The following CNN1 variants were observed in gnomAD, a reference collection of about 807,000 sequenced individuals.
CNN1 encodes the protein calponin-1.
In CNN1, 21 loss-of-function variants were observed where a neutral mutation model predicts 35.3. The observed-to-expected ratio is 0.60, with a 90% CI of 0.42 to 0.86. CNN1 has a LOEUF of 0.86. Ranked by LOEUF, CNN1 falls within the 40% of genes least tolerant of loss-of-function variation. CNN1 has a pLI of 0.00. For synonymous variants in CNN1, 164 were observed against 161.8 expected (o/e 1.01, Z -0.10); for missense variants, 314 against 400.8 (o/e 0.78, Z 1.85).
rs779660802 is a variant in CNN1 at position 11,546,870 on chromosome 19, G to A, written c.291G>A (p.Lys97=). The A allele has an allele frequency of 1.9e-6, 3 of 1,614,234 alleles. No homozygotes were observed. The highest frequency in any genetic ancestry group is 2.2e-5 in the East Asian group (1 of 44,890). Residue 97 remains lysine, a synonymous_variant, in exon 4 of 7, where the codon AAG becomes AAA. Transcript: ENST00000252456. The stretch of plus-strand genomic sequence containing the variant: ...GCAACTTCATCAAGGCCATCACCAA[G>A]TATGGGGTGAAGCCCCACGACATTT... ...NIGNFIKAIT[K]YGVKPHDIFE... is the part of the protein sequence containing the mutation.
At chr19:11,547,001 G>A in intron 4 of CNN1, 32 bp downstream of exon 4, 2 of 1,610,586 alleles carry the variant, frequency 1.2e-6, no homozygotes, top group Non-Finnish European at 1.7e-6. Context: ...GCAGGGGGTG[G>A]TGGGCAGCCT....
At chr19:11,539,945 C>T (rs1013938878) in intron 1 of CNN1, 86 of 1,109,660 alleles carry the variant, frequency 7.8e-5, no homozygotes, top group Non-Finnish European at 9.2e-5. Context: ...TCGGGGAGCC[C>T]GGGCCACGCT....
At chr19:11,546,302 T>C (rs1326777221) in intron 2 of CNN1, among the ~76,000 whole-genome samples, 1 of 150,326 alleles carries the variant, frequency 6.7e-6, no homozygotes, top group Non-Finnish European at 1.5e-5. Context: ...CTCCTCCTGC[T>C]GGGCTGGGCT....
intron 3 of CNN1, 37 bp from the exon 4 acceptor site, chr19:11,546,795 C>T (rs1384220127): frequency 7.4e-6 from 12 of 1,613,982 alleles, no homozygotes; most frequent in South Asian, 1.1e-5. Flanking sequence ...TCAGACCTCC[C>T]CTCCCCACCC....
At chr19:11,539,958 A>G (rs1972422615) in intron 1 of CNN1, 10 of 1,093,934 alleles carry the variant, frequency 9.1e-6, no homozygotes, top group Non-Finnish European at 1.1e-5. Context: ...GCCACGCTAT[A>G]TAAGGGCCGG....
Position 11,549,913 on chromosome 19 carries a change from TCAACC to T in CNN1, c.*119_*123del. 1 of 1,422,620 alleles carries T rather than the reference TCAACC, an allele frequency of 7.0e-7. No homozygotes were observed. Among genetic ancestry groups the T allele is most frequent in the Non-Finnish European group, 9.5e-7 (1 of 1,049,724 alleles). The allele number at this position is 1,422,620 out of a possible 1,614,324, so 88.1% of individuals were successfully genotyped here. A position where few individuals can be genotyped will look rare whatever the true frequency, so the allele number is the denominator to read the frequency against. ...TGGCATCCTCCAGCCCCTGTAGAAC[TCAACC>T]TCTACAGGGTTAGAGTTTGGAGAGA... On this transcript the variant is annotated 3_prime_UTR_variant, in exon 7 of 7. Transcript: ENST00000252456. The surrounding 1 kb of genome is among the most constrained non-coding windows in gnomAD (Gnocchi z 5.2).
At chr19:11,541,339 CCA>C in intron 2 of CNN1, 142 bp downstream of exon 2, 2 of 1,106,970 alleles carry the variant, frequency 1.8e-6, no homozygotes, top group Non-Finnish European at 2.5e-6. Context: ...ATCATTGTGC[CCA>C]TTTAACAGGC....
At chr19:11,544,392 G>A (rs1411664980) in intron 2 of CNN1, among the ~76,000 whole-genome samples, 7 of 152,266 alleles carry the variant, frequency 4.6e-5, no homozygotes, top group South Asian at 2.1e-4. Flanking sequence ...GGAGGCTGGC[G>A]TGACGAGCAC....
Position 11,549,708 on chromosome 19 carries a change from C to A in CNN1, c.807C>A (p.Asp269Glu). Residue 269 changes from aspartate to glutamate, a missense_variant, in exon 7 of 7, where the codon GAC becomes GAA. Physicochemically the swap from Asp to Glu is conservative, Grantham distance 45 (BLOSUM62 2). Coordinates refer to ENST00000252456, the MANE Select transcript of CNN1 (RefSeq NM_001299.6). The surrounding 1 kb of genome is among the most constrained non-coding windows in gnomAD (Gnocchi z 5.2). ...ATGGGCTGCCACGCCAGGTCTACGA[C>A]CCCAAGTACTGTCTGACTCCCGAGT... ...TVYGLPRQVY[D>E]PKYCLTPEYP... The A allele has an allele frequency of 6.2e-7, 1 of 1,614,226 alleles. No homozygotes were observed. Among genetic ancestry groups the A allele is most frequent in the South Asian group, 1.1e-5 (1 of 91,084 alleles).
In CNN1 at chr19:11,546,708, G is replaced by T. The variant is rs1407111196; in HGVS notation, c.219G>T (p.Lys73Asn). The T allele has an allele frequency of 6.2e-7, 1 of 1,614,072 alleles. No individual in the cohort carries two copies. Among genetic ancestry groups the T allele is most frequent in the Non-Finnish European group, 8.5e-7 (1 of 1,180,054 alleles). ...FINKLQPGSV[K>N]KINESTQNWH... ...ATAAGCTGCAGCCAGGCTCCGTGAA[G>T]AAGATCAATGAGTCAACCCAAAATT... The change falls in exon 3 of 7, where the codon AAG becomes AAT. Residue 73 changes from lysine to asparagine, a missense_variant. Physicochemically the swap from Lys to Asn is moderately conservative, Grantham distance 94. Transcript: ENST00000252456.
chr19:11,546,583 C>T (rs1972589419), intron 2 of CNN1, 92 bp from the exon 3 acceptor site: 1 of 1,349,894 alleles, frequency 7.4e-7, no homozygotes, highest in East Asian at 2.3e-5. Flanking sequence ...ATCCACCCGC[C>T]TTGGCCTCCC....
At chr19:11,545,800 A>G (rs892251916) in intron 2 of CNN1, among the ~76,000 whole-genome samples, 9 of 112,248 alleles carry the variant, frequency 8.0e-5, no homozygotes, top group African/African-American at 4.8e-4. Context: ...CTCTCTACCA[A>G]AAAAAAAAAA....
intron 5 of CNN1, among the ~76,000 whole-genome samples, 167 bp downstream of exon 5, chr19:11,548,074 C>G (rs1325615755): frequency 1.3e-5 from 2 of 152,216 alleles, no homozygotes; most frequent in African/African-American, 2.4e-5. Context: ...AACACCCCAG[C>G]AGACAGGTGC....
At chr19:11,548,760 T>G (rs994072044) in intron 5 of CNN1, among the ~76,000 whole-genome samples, 8 of 144,204 alleles carry the variant, frequency 5.5e-5, no homozygotes, top group Non-Finnish European at 9.1e-5. Context: ...TTGCTTGAAC[T>G]CAGGAGGCAG....
At chr19:11,546,251 C>T (rs562354687) in intron 2 of CNN1, among the ~76,000 whole-genome samples, 7 of 152,112 alleles carry the variant, frequency 4.6e-5, no homozygotes, top group East Asian at 3.9e-4. Context: ...GGAGAAGTGA[C>T]GCTAGGGTAT....
chr19:11,549,873 C>T lies in CNN1; in HGVS notation c.*78C>T. 1 of 1,525,398 alleles carries T rather than the reference C, an allele frequency of 6.6e-7. No individual in the cohort carries two copies. Among genetic ancestry groups the T allele is most frequent in the Non-Finnish European group, 8.9e-7 (1 of 1,129,576 alleles). The allele number at this position is 1,525,398 out of a possible 1,614,324, so 94.5% of individuals were successfully genotyped here. A position where few individuals can be genotyped will look rare whatever the true frequency, so the allele number is the denominator to read the frequency against. On this transcript the variant is annotated 3_prime_UTR_variant, in exon 7 of 7. Coordinates refer to ENST00000252456, the MANE Select transcript of CNN1 (RefSeq NM_001299.6). The surrounding 1 kb of genome is among the most constrained non-coding windows in gnomAD (Gnocchi z 5.2). ...GCTGGACCCAGCCAGGCCCAGCCGA[C>T]CCCCTCTCCCTGCATGGCATCCTCC...
In CNN1 at chr19:11,541,128, AG is replaced by A; in HGVS notation, c.121del (p.Val41Ter). The A allele has an allele frequency of 6.2e-7, 1 of 1,609,576 alleles. No individual in the cohort carries two copies. ...GAGCAGGAGCTGAGAGAGTGGATCG[AG>A]GGGGTGACAGGCCGTCGCATCGGCA... ...QREQELREWI[E>X]GVTGRRIGNN... On this transcript the variant is annotated frameshift_variant, in exon 2 of 7. Coordinates refer to ENST00000252456, the MANE Select transcript of CNN1 (RefSeq NM_001299.6). LOFTEE classifies it high-confidence loss of function.
intron 1 of CNN1, chr19:11,539,868 T>G: frequency 8.7e-7 from 1 of 1,150,478 alleles, no homozygotes; most frequent in South Asian, 1.6e-5. Context: ...GCCGCCCTCC[T>G]CCCCCCCAGC....
rs112279164 is a variant in CNN1, at chr19:11,549,427, G to T, written c.606G>T (p.Ala202=). ...GCACAGACCAGCCTCTGGACCAGGC[G>T]ACCATCAGCCTGCAGATGGGCACCA... ...KLGTDQPLDQ[A]TISLQMGTNK... Residue 202 remains alanine, a synonymous_variant, in exon 6 of 7, where the codon GCG becomes GCT. Coordinates refer to ENST00000252456, the MANE Select transcript of CNN1 (RefSeq NM_001299.6). The surrounding 1 kb of genome is among the most constrained non-coding windows in gnomAD (Gnocchi z 5.2). 936 of 1,613,908 alleles carry T rather than the reference G, an allele frequency of 5.8e-4. No individual in the cohort carries two copies. Among genetic ancestry groups the T allele is most frequent in the Non-Finnish European group, 6.5e-4 (771 of 1,179,962 alleles).
Sources: allele counts gnomAD v4.1 joint callset (sites outside exome capture counted in the v4.1 genomes callset), GRCh38; gene constraint gnomAD v4.1.1; non-coding constraint Gnocchi (gnomAD v3.1); transcripts MANE v1.5; gene names NCBI Gene and HGNC (gene_info 2026-07-23, HGNC 2026-07-21).